ENOX1: variants seen among roughly 807,000 people sequenced by gnomAD.
ENOX1 encodes ecto-NOX disulfide-thiol exchanger 1, also known as candidate growth-related and time keeping constitutive hydroquinone (NADH) oxidase.
ENOX1 carries 42 observed loss-of-function variants against 82.5 expected under a neutral mutation model. The ratio of observed to expected loss-of-function variants is 0.51; its 90% CI spans 0.40 to 0.66. The LOEUF is 0.66. Among genes scored for constraint, ENOX1 ranks in the 30% least tolerant of loss-of-function variants. The pLI, the probability that ENOX1 is intolerant of heterozygous loss-of-function variation, is 0.00. For synonymous variants in ENOX1, 271 were observed against 282.2 expected, an observed-to-expected ratio of 0.96 and a Z score of 0.40; for missense variants, 608 against 811.6, an observed-to-expected ratio of 0.75 and a Z score of 3.05.
At chr13:43,471,029 A>C (rs1461337437) in intron 3 of ENOX1, among the ~76,000 whole-genome samples, 2 of 152,226 alleles carry the variant, frequency 1.3e-5, no homozygotes, top group East Asian at 3.8e-4. Flanking sequence ...ACTATAAATG[A>C]AGACCTATGC....
At chr13:43,270,459 T>G (rs1198381145) in intron 12 of ENOX1, among the ~76,000 whole-genome samples, 1 of 152,172 alleles carries the variant, frequency 6.6e-6, no homozygotes, top group Non-Finnish European at 1.5e-5. Context: ...TGTTAGTGGA[T>G]TCCTGCTATG....
intron 1 of ENOX1, among the ~76,000 whole-genome samples, chr13:43,785,030 C>T (rs1468886777): frequency 6.6e-6 from 1 of 152,162 alleles, no homozygotes; most frequent in Non-Finnish European, 1.5e-5. Context: ...CACAATATTC[C>T]GAAAGCACTT....
intron 2 of ENOX1, among the ~76,000 whole-genome samples, chr13:43,613,910 G>A (rs567400597): frequency 1.3e-5 from 2 of 151,674 alleles, no homozygotes; most frequent in Non-Finnish European, 2.9e-5. Context: ...TTCCAGCTTG[G>A]GCTACAAAAT....
At position 43,283,090 on chromosome 13, in the gene ENOX1, G is replaced by GAA. The variant is rs56784809; in HGVS notation, c.1447-13515_1447-13514dup. Among the ~76,000 whole-genome samples, 237 of 139,570 alleles carry GAA rather than the reference G, an allele frequency of 1.7e-3. 3 individuals are homozygous for GAA. In the East Asian group the frequency reaches 0.036, roughly 21 times the overall value. The allele number at this position is 139,570 out of a possible 152,430, so 91.6% of individuals were successfully genotyped here. ...AGAGCGAGACTCGGTCTCAAGAAAA[G>GAA]AAAAAAAAAAATTTAAGCTATTAAT... On this transcript the variant is annotated intron_variant, in intron 12 of 16. Coordinates refer to ENST00000690772, the MANE Select transcript of ENOX1 (RefSeq NM_001347969.2).
chr13:43,444,830 C>A (rs767393505), intron 3 of ENOX1, among the ~76,000 whole-genome samples: 3 of 152,152 alleles, frequency 2.0e-5, no homozygotes, highest in Non-Finnish European at 4.4e-5. Context: ...TTATTATTCT[C>A]TGTATAAAAG....
intron 16 of ENOX1, 78 bp downstream of exon 16, chr13:43,223,975 C>G: frequency 9.2e-7 from 1 of 1,086,408 alleles, no homozygotes; most frequent in Non-Finnish European, 1.4e-6. Flanking sequence ...TAGTTCAGTT[C>G]ATGCAGAGTC....
chr13:43,258,009 TG>T (rs978155264), intron 14 of ENOX1, among the ~76,000 whole-genome samples: 1 of 152,214 alleles, frequency 6.6e-6, no homozygotes, highest in African/African-American at 2.4e-5. Flanking sequence ...TCCTGTTACA[TG>T]CTCCAAATTC....
intron 1 of ENOX1, among the ~76,000 whole-genome samples, chr13:43,738,141 A>T (rs1366914141): frequency 1.3e-5 from 2 of 152,242 alleles, no homozygotes; most frequent in Non-Finnish European, 2.9e-5. Context: ...CAAATTCTTT[A>T]GAGTATGAAT....
intron 6 of ENOX1, among the ~76,000 whole-genome samples, chr13:43,360,313 T>A (rs2050415599): frequency 6.6e-6 from 1 of 152,214 alleles, no homozygotes; most frequent in African/African-American, 2.4e-5. Flanking sequence ...AGCAAATGTT[T>A]GCATAATTTC....
At chr13:43,450,857 C>A (rs1382553291) in intron 3 of ENOX1, among the ~76,000 whole-genome samples, 1 of 152,086 alleles carries the variant, frequency 6.6e-6, no homozygotes, top group Non-Finnish European at 1.5e-5. Context: ...CACAAGGCCC[C>A]AAGATGTCAA....
chr13:43,529,042 AT>A (rs1269417938), intron 2 of ENOX1, among the ~76,000 whole-genome samples: 3 of 152,036 alleles, frequency 2.0e-5, no homozygotes, highest in South Asian at 2.1e-4. Context: ...TGTTTTAAAT[AT>A]TTTACATGTA....
chr13:43,483,963 C>T (rs2058601145), intron 3 of ENOX1, 46 bp downstream of exon 3: 1 of 978,594 alleles, frequency 1.0e-6, no homozygotes, highest in Admixed American at 6.2e-5. Context: ...AAATATCCCT[C>T]AAACTTAGTA....
intron 2 of ENOX1, among the ~76,000 whole-genome samples, chr13:43,494,962 G>T (rs887437753): frequency 6.6e-6 from 1 of 152,128 alleles, no homozygotes; most frequent in African/African-American, 2.4e-5. Context: ...GCCTAGGTGT[G>T]GGGGAGACTG....
intron 2 of ENOX1, among the ~76,000 whole-genome samples, chr13:43,501,818 C>A (rs2076992697): frequency 6.9e-6 from 1 of 144,832 alleles, no homozygotes. Flanking sequence ...AAATGAATGA[C>A]CTAATTGTAT....
At position 43,224,110 on chromosome 13, in the gene ENOX1, A is replaced by G. The variant is rs2041921386; in HGVS notation, c.1743T>C (p.His581=). 6.2e-7 allele frequency: 1 copy of G among 1,614,038 alleles called. No individual in the cohort carries two copies. Among genetic ancestry groups the G allele is most frequent in the Non-Finnish European group, 8.5e-7 (1 of 1,179,890 alleles). Residue 581 remains histidine (H), a synonymous_variant, in exon 16 of 17, where the codon CAT becomes CAC. Coordinates refer to ENST00000690772, the MANE Select transcript of ENOX1 (RefSeq NM_001347969.2). ...IGIISTFLHV[H]PFGANIEYLW... ...GATATTCTATGTTGGCTCCAAAAGG[A>G]TGGACGTGAAGAAACGTTGATATGA...
rs767220740 is a variant in ENOX1, at chr13:43,748,317, TA to T, written c.-285+38334del. Among the ~76,000 whole-genome samples the T allele has an allele frequency of 6.6e-5, 10 of 152,282 alleles. No individual in the cohort carries two copies. The East Asian group carries it at 1.5e-3, about 23-fold the overall frequency. On this transcript the variant is annotated intron_variant, in intron 1 of 16. Coordinates refer to ENST00000690772, the MANE Select transcript of ENOX1 (RefSeq NM_001347969.2). ...GCTCCAAACTATAATGCCCAACAATTAAAAGTATTATGCAAGTACAAATCCC... is the reference window on the plus strand; with the variant it reads ...GCTCCAAACTATAATGCCCAACAATTAAAGTATTATGCAAGTACAAATCCC...
chr13:43,757,973 G>A (rs1488343849), intron 1 of ENOX1, among the ~76,000 whole-genome samples: 4 of 152,044 alleles, frequency 2.6e-5, no homozygotes, highest in African/African-American at 4.8e-5. Context: ...GGTGGGTCAC[G>A]CCTGTAATCC....
At chr13:43,391,382 T>G (rs2052764645) in intron 5 of ENOX1, among the ~76,000 whole-genome samples, 1 of 152,178 alleles carries the variant, frequency 6.6e-6, no homozygotes, top group Non-Finnish European at 1.5e-5. Context: ...GTCATGCTGA[T>G]GAACACAGAT....
At chr13:43,662,354 C>T (rs77158812) in intron 2 of ENOX1, among the ~76,000 whole-genome samples, 3,144 of 152,204 alleles carry the variant, frequency 0.021, 115 homozygotes, top group African/African-American at 0.072. Flanking sequence ...TTTCCAGAGG[C>T]CATTTTATTT....
Sources: allele counts gnomAD v4.1 joint callset (sites outside exome capture counted in the v4.1 genomes callset), GRCh38; gene constraint gnomAD v4.1.1; transcripts MANE v1.5; gene names NCBI Gene and HGNC (gene_info 2026-07-23, HGNC 2026-07-21).